PACRG: variants seen among roughly 807,000 people sequenced by gnomAD.
PACRG encodes the protein parkin coregulated.
In PACRG, 29 loss-of-function variants were observed where a neutral mutation model predicts 29.7. That is an observed-to-expected ratio of 0.98 (90% CI 0.73 to 1.33). The LOEUF (loss-of-function observed/expected upper bound fraction) is 1.33, where lower values mean the gene tolerates loss of function less well. Among genes scored for constraint, PACRG ranks in the 40% most tolerant of loss-of-function variants. The pLI is 0.00. For synonymous variants in PACRG, 116 were observed against 118.7 expected (o/e 0.98, Z 0.15); for missense variants, 279 against 316.2 (o/e 0.88, Z 0.89).
At chr6:163,149,048 G>T (rs1318432621) in intron 4 of PACRG, among the ~76,000 whole-genome samples, 9 of 143,592 alleles carry the variant, frequency 6.3e-5, no homozygotes, top group Non-Finnish European at 1.3e-4. Flanking sequence ...TGTCACTGTC[G>T]ACTGGCTCTG....
At chr6:163,041,341 A>T (rs1357479926) in intron 2 of PACRG, among the ~76,000 whole-genome samples, 3 of 152,068 alleles carry the variant, frequency 2.0e-5, no homozygotes, top group African/African-American at 4.8e-5. Context: ...TGTCTCAAAA[A>T]AAAATAAAAA....
chr6:163,121,663 C>CTTT (rs771976364), intron 4 of PACRG, among the ~76,000 whole-genome samples: 6 of 126,194 alleles, frequency 4.8e-5, no homozygotes, highest in Non-Finnish European at 8.5e-5. Context: ...TCTCGGTAAT[C>CTTT]TTTTTTTTTT....
At chr6:162,816,509 C>T (rs925478498) in intron 2 of PACRG, among the ~76,000 whole-genome samples, 9 of 152,188 alleles carry the variant, frequency 5.9e-5, no homozygotes, top group African/African-American at 1.7e-4. Context: ...CCCGCCACCA[C>T]GCCCGGCTAA....
chr6:163,144,725 C>T (rs985160709), intron 4 of PACRG, among the ~76,000 whole-genome samples: 9 of 152,266 alleles, frequency 5.9e-5, no homozygotes, highest in Non-Finnish European at 5.9e-5. Context: ...GCCAAGATCA[C>T]GCCACTGCAC....
At chr6:163,190,705 T>A (rs1478118869) in intron 4 of PACRG, 1 of 198,870 alleles carries the variant, frequency 5.0e-6, no homozygotes, top group Non-Finnish European at 1.1e-5. Context: ...TAGTAAAATT[T>A]GTTTTGGAGC....
intron 2 of PACRG, among the ~76,000 whole-genome samples, chr6:162,831,088 A>G (rs1788732517): frequency 1.3e-5 from 2 of 152,116 alleles, no homozygotes; most frequent in South Asian, 4.1e-4. Context: ...CATACCGTTC[A>G]TTCTTTAAAC....
chr6:162,979,673 G>T (rs904964442), intron 2 of PACRG, among the ~76,000 whole-genome samples: 1 of 151,978 alleles, frequency 6.6e-6, no homozygotes, highest in African/African-American at 2.4e-5. Context: ...TGATAAAATT[G>T]TATCTCTTAC....
intron 2 of PACRG, among the ~76,000 whole-genome samples, chr6:162,844,592 G>C (rs892581912): frequency 6.6e-6 from 1 of 152,228 alleles, no homozygotes. Flanking sequence ...GACCGGAGCT[G>C]TTCCTATTGC....
intron 4 of PACRG, among the ~76,000 whole-genome samples, chr6:163,201,040 C>T (rs1780677207): frequency 6.6e-6 from 1 of 152,334 alleles, no homozygotes; most frequent in South Asian, 2.1e-4. Flanking sequence ...CCTATGGCCA[C>T]GGTTTCCTGT....
chr6:163,107,876 A>G (rs1481831803), intron 4 of PACRG, among the ~76,000 whole-genome samples: 1 of 152,168 alleles, frequency 6.6e-6, no homozygotes, highest in Admixed American at 6.5e-5. Flanking sequence ...TTTCTCCAAA[A>G]TCCTAACATG....
chr6:162,892,949 G>T (rs1219281204), intron 2 of PACRG, among the ~76,000 whole-genome samples: 1 of 144,200 alleles, frequency 6.9e-6, no homozygotes, highest in South Asian at 2.2e-4. Context: ...CCCCAGAGAA[G>T]AACCACCTCA....
intron 4 of PACRG, among the ~76,000 whole-genome samples, chr6:163,301,325 C>T (rs1443173764): frequency 1.3e-5 from 2 of 152,232 alleles, no homozygotes; most frequent in Non-Finnish European, 2.9e-5. Flanking sequence ...CCAGTCTTTT[C>T]CCCATTCAGT....
intron 4 of PACRG, among the ~76,000 whole-genome samples, chr6:163,277,925 G>A (rs1324405467): frequency 2.0e-5 from 3 of 151,990 alleles, no homozygotes; most frequent in Non-Finnish European, 4.4e-5. Context: ...ATTTTCCTTA[G>A]TGGTTGTACT....
At chr6:163,014,214 C>T (rs886153405) in intron 2 of PACRG, among the ~76,000 whole-genome samples, 15 of 152,170 alleles carry the variant, frequency 9.9e-5, no homozygotes, top group Non-Finnish European at 2.1e-4. Context: ...GCAAAGTAGT[C>T]TATGGTGTAT....
At chr6:163,231,615 C>T (rs1428452361) in intron 4 of PACRG, among the ~76,000 whole-genome samples, 2 of 152,188 alleles carry the variant, frequency 1.3e-5, no homozygotes, top group Non-Finnish European at 1.5e-5. Flanking sequence ...GGTGACTTCA[C>T]ATAGGGTGGC....
At chr6:162,889,042 C>CA (rs1346548320) in intron 2 of PACRG, among the ~76,000 whole-genome samples, 2 of 152,014 alleles carry the variant, frequency 1.3e-5, no homozygotes, top group African/African-American at 2.4e-5. Flanking sequence ...GTAAAATTGT[C>CA]AAAAAATGAG....
At chr6:162,955,967 G>A (rs1488125931) in intron 2 of PACRG, among the ~76,000 whole-genome samples, 1 of 152,032 alleles carries the variant, frequency 6.6e-6, no homozygotes, top group Admixed American at 6.5e-5. Context: ...CTGGCGACAT[G>A]GTGGTGGTGG....
intron 2 of PACRG, among the ~76,000 whole-genome samples, chr6:163,020,681 A>G (rs1329782714): frequency 6.6e-6 from 1 of 152,236 alleles, no homozygotes; most frequent in Non-Finnish European, 1.5e-5. Context: ...TTACTAAGGA[A>G]TGACAGATCA....
At chr6:163,036,317 C>G (rs914705550) in intron 2 of PACRG, among the ~76,000 whole-genome samples, 45 of 152,200 alleles carry the variant, frequency 3.0e-4, no homozygotes, top group African/African-American at 1.0e-3. Context: ...TAAAGAGCCA[C>G]ACTGTGAGTA....
Sources: allele counts gnomAD v4.1 joint callset (sites outside exome capture counted in the v4.1 genomes callset), GRCh38; gene constraint gnomAD v4.1.1; transcripts MANE v1.5; gene names NCBI Gene and HGNC (gene_info 2026-07-23, HGNC 2026-07-21).